Variants in PAPPA2 observed in about 807,000 individuals in gnomAD.
PAPPA2 encodes the protein pappalysin 2.
Under a neutral mutation model 176.4 loss-of-function variants are expected in PAPPA2, and 86 were observed. The ratio of observed to expected loss-of-function variants is 0.49; its 90% CI spans 0.41 to 0.58. The LOEUF is 0.58. Among genes scored for constraint, PAPPA2 ranks in the 20% least tolerant of loss-of-function variants. The pLI, the probability that PAPPA2 is intolerant of heterozygous loss-of-function variation, is 0.00. For synonymous variants in PAPPA2, 809 were observed against 852.2 expected (o/e 0.95, Z 0.88); for missense variants, 2,073 against 2,256.9 (o/e 0.92, Z 1.65).
In PAPPA2 at chr1:176,731,721, A is replaced by G. The variant is rs139737212; in HGVS notation, c.3799-7905A>G. Among the ~76,000 whole-genome samples the G allele has an allele frequency of 9.4e-3, 1,430 of 152,032 alleles. 11 individuals are homozygous for G. Among genetic ancestry groups the G allele is most frequent in the Middle Eastern group, 0.028 (8 of 290 alleles). ...TACATATATGTGTATATATACACAC[A>G]TATATGTGTACATATACATGCGTAC... On this transcript the variant is annotated intron_variant, in intron 12 of 22. Coordinates refer to ENST00000367662, the MANE Select transcript of PAPPA2 (RefSeq NM_020318.3).
chr1:176,478,824 C>T (rs1443936258), intron 1 of PAPPA2, among the ~76,000 whole-genome samples: 1 of 152,148 alleles, frequency 6.6e-6, no homozygotes, highest in Non-Finnish European at 1.5e-5. Context: ...ACCAAGTCCT[C>T]ATTTATATTC....
chr1:176,472,587 G>A (rs1651932880), intron 1 of PAPPA2, among the ~76,000 whole-genome samples: 1 of 152,138 alleles, frequency 6.6e-6, no homozygotes, highest in Non-Finnish European at 1.5e-5. Flanking sequence ...TAGGCACAAA[G>A]TATGTTTATC....
intron 21 of PAPPA2, among the ~76,000 whole-genome samples, chr1:176,804,942 G>T (rs1177168437): frequency 6.6e-6 from 1 of 152,150 alleles, no homozygotes; most frequent in Non-Finnish European, 1.5e-5. Context: ...AAGAAAGGAA[G>T]AGAGGAAAAG....
intron 1 of PAPPA2, among the ~76,000 whole-genome samples, chr1:176,512,448 A>G (rs1376137639): frequency 6.6e-6 from 1 of 152,212 alleles, no homozygotes; most frequent in Non-Finnish European, 1.5e-5. Context: ...AGGAATTTCA[A>G]AAGCATTATG....
chr1:176,752,342 T>TAA (rs58591760), intron 14 of PAPPA2, among the ~76,000 whole-genome samples: 1,150 of 95,790 alleles, frequency 0.012, no homozygotes, highest in East Asian at 0.015. Context: ...TAGAGTATAA[T>TAA]AAAAAAAAAA....
chr1:176,516,121 A>G (rs2102530481), intron 1 of PAPPA2, among the ~76,000 whole-genome samples: 1 of 152,262 alleles, frequency 6.6e-6, no homozygotes, highest in African/African-American at 2.4e-5. Context: ...GGGAAGAGCA[A>G]CTGTGTAGGG....
At chr1:176,658,282 G>T (rs1658137541) in intron 3 of PAPPA2, among the ~76,000 whole-genome samples, 1 of 151,968 alleles carries the variant, frequency 6.6e-6, no homozygotes, top group Admixed American at 6.6e-5. Context: ...GGTTGGACTA[G>T]AGTGGATGTG....
At chr1:176,837,420 C>T (rs1167267818) in intron 21 of PAPPA2, among the ~76,000 whole-genome samples, 1 of 127,232 alleles carries the variant, frequency 7.9e-6, no homozygotes, top group Non-Finnish European at 1.6e-5. Flanking sequence ...TTTTCCTATA[C>T]AGTGAAAATA....
At chr1:176,774,660 A>G (rs1239994509) in intron 17 of PAPPA2, among the ~76,000 whole-genome samples, 1 of 152,104 alleles carries the variant, frequency 6.6e-6, no homozygotes, top group African/African-American at 2.4e-5. Context: ...TTCTCCTTCA[A>G]CATATTCACC....
At position 176,485,295 on chromosome 1, in the gene PAPPA2, A is replaced by T. The variant is rs114905173; in HGVS notation, c.-917+21877A>T. ...AATAATGGCTTTCAAGTCCCTAATG[A>T]TGTGTCTCCCCATTACGTCTCTGAT... On this transcript the variant is annotated intron_variant, in intron 1 of 22. Coordinates refer to ENST00000367662, the MANE Select transcript of PAPPA2 (RefSeq NM_020318.3). 3.7e-3 allele frequency among the ~76,000 whole-genome samples: 556 copies of T among 152,196 alleles called. 5 individuals are homozygous for T. The highest frequency in any genetic ancestry group is 0.013 in the African/African-American group (539 of 41,522).
intron 14 of PAPPA2, among the ~76,000 whole-genome samples, chr1:176,741,077 G>C (rs1393202154): frequency 6.6e-6 from 1 of 152,066 alleles, no homozygotes; most frequent in Non-Finnish European, 1.5e-5. Context: ...GGTGTACTAT[G>C]TTAGTTATCT....
Position 176,702,846 on chromosome 1 carries a change from T to C in PAPPA2, c.3365+111T>C, listed in dbSNP as rs951081606. On this transcript the variant is annotated intron_variant, in intron 9 of 22. Transcript: ENST00000367662. Reference sequence around the variant, plus strand: ...GGACACTGTTCTCTAAACAGAAGTTTCAGGAGTTTGACTTGTTTTGGAAAT... The same window carrying C: ...GGACACTGTTCTCTAAACAGAAGTTCCAGGAGTTTGACTTGTTTTGGAAAT... 12 of 1,400,732 alleles carry C rather than the reference T, an allele frequency of 8.6e-6. No homozygotes were observed. The Admixed American group carries it at 9.0e-5, about 11-fold the overall frequency. 86.8% of individuals were successfully genotyped at this position (1,400,732 alleles called of 1,614,324 possible).
chr1:176,833,679 G>T (rs564757391), intron 21 of PAPPA2, among the ~76,000 whole-genome samples: 30 of 152,120 alleles, frequency 2.0e-4, no homozygotes, highest in Non-Finnish European at 3.4e-4. Context: ...TTCTTACATA[G>T]TATATTCTAC....
chr1:176,465,772 T>C (rs1651592123), intron 1 of PAPPA2, among the ~76,000 whole-genome samples: 1 of 152,034 alleles, frequency 6.6e-6, no homozygotes, highest in South Asian at 2.1e-4. Context: ...CCATTAGTTA[T>C]TTTTCCTGAT....
chr1:176,466,895 T>C (rs1373061809), intron 1 of PAPPA2, among the ~76,000 whole-genome samples: 1 of 152,212 alleles, frequency 6.6e-6, no homozygotes, highest in Non-Finnish European at 1.5e-5. Context: ...ATTCTGGTGT[T>C]AGGCTCACCT....
At chr1:176,839,596 C>T (rs1030878397) in intron 21 of PAPPA2, among the ~76,000 whole-genome samples, 4 of 152,086 alleles carry the variant, frequency 2.6e-5, no homozygotes, top group African/African-American at 7.2e-5. Flanking sequence ...TTCATAGCAC[C>T]CAAGGACTAC....
chr1:176,581,305 GT>G (rs796119347), intron 2 of PAPPA2, among the ~76,000 whole-genome samples: 42 of 152,206 alleles, frequency 2.8e-4, no homozygotes, highest in African/African-American at 1.0e-3. Context: ...TCTCTATTAT[GT>G]TCCACTGGTC....
At chr1:176,554,169 A>G (rs998569064) in intron 1 of PAPPA2, among the ~76,000 whole-genome samples, 1 of 152,204 alleles carries the variant, frequency 6.6e-6, no homozygotes, top group Non-Finnish European at 1.5e-5. Context: ...TACAGCATTT[A>G]TAATGCAAAC....
intron 22 of PAPPA2, among the ~76,000 whole-genome samples, chr1:176,842,150 T>C (rs751875049): frequency 6.6e-6 from 1 of 152,180 alleles, no homozygotes; most frequent in Non-Finnish European, 1.5e-5. Flanking sequence ...GTTTCTGTTG[T>C]CCTCCCTAGT....
Sources: gnomAD v4.1 joint callset for allele counts (sites outside exome capture counted in the v4.1 genomes callset) on GRCh38, gnomAD v4.1.1 for gene constraint, MANE v1.5 for transcripts, NCBI Gene and HGNC (gene_info 2026-07-23, HGNC 2026-07-21) for gene names.